SEMA4B: variants seen among roughly 807,000 people sequenced by gnomAD.
The protein encoded by SEMA4B is semaphorin-4B.
In SEMA4B, 55 loss-of-function variants were observed where a neutral mutation model predicts 88.1. The ratio of observed to expected loss-of-function variants is 0.62; its 90% CI spans 0.50 to 0.78. The LOEUF is 0.78. Ranked by LOEUF, SEMA4B falls within the 30% of genes least tolerant of loss-of-function variation. The pLI, the probability that SEMA4B is intolerant of heterozygous loss-of-function variation, is 0.00. For missense variants in SEMA4B, 1,062 were observed against 1,111.9 expected (o/e 0.96, Z 0.64); for synonymous variants, 525 against 473.6 (o/e 1.11, Z -1.41).
chr15:90,198,061 G>A (rs1960573348), upstream of SEMA4B, among the ~76,000 whole-genome samples: 1 of 151,586 alleles, frequency 6.6e-6, no homozygotes, highest in African/African-American at 2.4e-5. Flanking sequence ...TGAGTAGCTG[G>A]GACTACAGGC....
At position 90,225,131 on chromosome 15, in the gene SEMA4B, G is replaced by A. The variant is rs748793129; in HGVS notation, c.1358G>A (p.Arg453His). ...QARYQRVAVH[R>H]VPGLHHTYDV... is the part of the protein sequence containing the mutation. ...CGCTACCAGCGCGTGGCTGTACACC[G>A]CGTCCCTGGCCTGCACCACACCTAC... is the stretch of plus-strand genomic sequence containing the variant. Residue 453 changes from arginine (R) to histidine (H), a missense_variant, in exon 10 of 14, where the codon CGC (arginine) becomes CAC (histidine). Arg to His is a conservative substitution (Grantham distance 29). Coordinates refer to ENST00000411539, the MANE Select transcript of SEMA4B (RefSeq NM_198925.4). 199 of 1,612,986 alleles carry A rather than the reference G, an allele frequency of 1.2e-4. 1 individual carries two copies. Among genetic ancestry groups the A allele is most frequent in the South Asian group, 1.2e-3 (111 of 91,046 alleles).
At chr15:90,204,618 AG>A (rs1051572620) in intron 1 of SEMA4B, among the ~76,000 whole-genome samples, 2 of 152,252 alleles carry the variant, frequency 1.3e-5, no homozygotes, top group African/African-American at 4.8e-5. Context: ...GCAGAGCTCC[AG>A]GACCAAAGCC....
chr15:90,185,056 C>T (rs1008331258), exon 1 of SEMA4B: 2 of 985,280 alleles, frequency 2.0e-6, no homozygotes, highest in African/African-American at 1.7e-5. Flanking sequence ...GGGCGATGAC[C>T]GTGCGCTGAC....
intron 1 of SEMA4B, among the ~76,000 whole-genome samples, chr15:90,202,249 A>G (rs1224746310): frequency 6.6e-6 from 1 of 152,148 alleles, no homozygotes. Flanking sequence ...CCCAAGCCCC[A>G]GCATGGAGAG....
At chr15:90,219,699 A>G in intron 3 of SEMA4B, 94 bp from the exon 4 acceptor site, 1 of 909,984 alleles carries the variant, frequency 1.1e-6, no homozygotes, top group Non-Finnish European at 1.7e-6. Context: ...CTGGGAGCAG[A>G]GGCCGGGCCT....
chr15:90,200,659 G>A (rs768649614), upstream of SEMA4B, among the ~76,000 whole-genome samples: 2 of 152,140 alleles, frequency 1.3e-5, no homozygotes, highest in East Asian at 1.9e-4. Context: ...TTCCCCTGCC[G>A]GGTCACGTGC....
intron 1 of SEMA4B, among the ~76,000 whole-genome samples, chr15:90,190,167 T>G (rs1960302481): frequency 6.6e-6 from 1 of 152,160 alleles, no homozygotes; most frequent in South Asian, 2.1e-4. Flanking sequence ...GGCTGCTGTG[T>G]GAGATTCCTA....
chr15:90,214,067 C>T (rs111721111), intron 1 of SEMA4B, among the ~76,000 whole-genome samples: 5,242 of 152,274 alleles, frequency 0.034, 280 homozygotes, highest in African/African-American at 0.12. Flanking sequence ...TTCGGCTGGG[C>T]GCGGTGGCTC....
At chr15:90,204,089 C>T (rs148868614) in intron 1 of SEMA4B, among the ~76,000 whole-genome samples, 4 of 152,304 alleles carry the variant, frequency 2.6e-5, no homozygotes, top group South Asian at 4.1e-4. Context: ...TGGCCTAAGG[C>T]GGTTTCCTGC....
upstream of SEMA4B, among the ~76,000 whole-genome samples, chr15:90,196,996 T>C (rs571886538): frequency 7.4e-4 from 112 of 152,336 alleles, no homozygotes; most frequent in African/African-American, 2.5e-3. Flanking sequence ...TTTCTGATCA[T>C]TGCTTTCTGG....
upstream of SEMA4B, among the ~76,000 whole-genome samples, chr15:90,200,355 TAC>T (rs1246246912): frequency 6.6e-6 from 1 of 152,244 alleles, no homozygotes; most frequent in Non-Finnish European, 1.5e-5. Context: ...GACTCTTAAC[TAC>T]AGGAGGAACT....
At chr15:90,188,537 A>C (rs967488635) in intron 1 of SEMA4B, among the ~76,000 whole-genome samples, 3 of 151,918 alleles carry the variant, frequency 2.0e-5, no homozygotes, top group Non-Finnish European at 2.9e-5. Flanking sequence ...CTGAAGCAGG[A>C]GAGTTGCTGG....
chr15:90,214,164 T>G (rs532648576), intron 1 of SEMA4B, among the ~76,000 whole-genome samples: 1 of 150,010 alleles, frequency 6.7e-6, no homozygotes, highest in Admixed American at 6.6e-5. Context: ...GCCAACATGA[T>G]GAAACCCTGA....
At chr15:90,218,852 G>A (rs1405336905) in intron 3 of SEMA4B, among the ~76,000 whole-genome samples, 1 of 152,272 alleles carries the variant, frequency 6.6e-6, no homozygotes, top group South Asian at 2.1e-4. Flanking sequence ...TGTTATTGGC[G>A]GGGCGTGGGA....
chr15:90,189,182 G>A (rs1960273747), intron 1 of SEMA4B, among the ~76,000 whole-genome samples: 1 of 152,016 alleles, frequency 6.6e-6, no homozygotes, highest in Non-Finnish European at 1.5e-5. Context: ...AAGGAAGGGA[G>A]AGGAGAGAAG....
Position 90,223,851 on chromosome 15 carries a change from A to G in SEMA4B, c.1057A>G (p.Thr353Ala). 3 of 1,613,904 alleles carry G rather than the reference A, an allele frequency of 1.9e-6. No homozygotes were observed. Among genetic ancestry groups the G allele is most frequent in the Non-Finnish European group, 2.5e-6 (3 of 1,179,868 alleles). The change falls in exon 9 of 14, where the codon ACA becomes GCA. Residue 353 changes from threonine (T) to alanine (A), a missense_variant. Coordinates refer to ENST00000411539, the MANE Select transcript of SEMA4B (RefSeq NM_198925.4). The part of the protein sequence containing the change: ...VFTSQWHRGT[T>A]EGSAVCVFTM... ...TTTCCTCTGCAGGCACAGGGGAACT[A>G]CAGAAGGCTCTGCCGTCTGTGTCTT...
chr15:90,227,684 A>G, intron 13 of SEMA4B, 42 bp downstream of exon 13: 1 of 1,602,118 alleles, frequency 6.2e-7, no homozygotes, highest in Non-Finnish European at 8.5e-7. Context: ...AGGTGGGGAC[A>G]AGTGTGCTTG....
At position 90,225,684 on chromosome 15, in the gene SEMA4B, C is replaced by T. The variant is rs759920532; in HGVS notation, c.1545C>T (p.His515=). Residue 515 remains histidine, a synonymous_variant, in exon 12 of 14, where the codon CAC becomes CAT. Coordinates refer to ENST00000411539, the MANE Select transcript of SEMA4B (RefSeq NM_198925.4). ...AGGGGCTGCTGTATGCGGCCTCACA[C>T]TCGGGCGTAGTCCAGGTGCCCATGG... ...THRGLLYAAS[H]SGVVQVPMAN... The T allele has an allele frequency of 1.3e-6, 2 of 1,567,586 alleles. No homozygotes were observed. The highest frequency in any genetic ancestry group is 2.3e-5 in the South Asian group (2 of 85,216).
chr15:90,196,437 C>T (rs184780264), upstream of SEMA4B, among the ~76,000 whole-genome samples: 81 of 152,252 alleles, frequency 5.3e-4, no homozygotes, highest in African/African-American at 1.7e-3. Flanking sequence ...CAATGGTTTC[C>T]CATCCACTGA....
Sources: gnomAD v4.1 joint callset for allele counts (sites outside exome capture counted in the v4.1 genomes callset) on GRCh38, gnomAD v4.1.1 for gene constraint, MANE v1.5 for transcripts, NCBI Gene and HGNC (gene_info 2026-07-23, HGNC 2026-07-21) for gene names.